ZNF618: variants seen among roughly 807,000 people sequenced by gnomAD.
The protein encoded by ZNF618 is zinc finger protein 618, also known as neural precursor cell expressed, developmentally down-regulated 10.
ZNF618 carries 34 observed loss-of-function variants against 103.0 expected under a neutral mutation model. That is an observed-to-expected ratio of 0.33 (90% CI 0.25 to 0.44). ZNF618 has a LOEUF of 0.44. Ranked by LOEUF, ZNF618 falls within the 20% of genes least tolerant of loss-of-function variation. The pLI is 1.00. For missense variants in ZNF618, 1,059 were observed against 1,295.4 expected (o/e 0.82, Z 2.80); for synonymous variants, 551 against 542.2 (o/e 1.02, Z -0.23).
chr9:114,021,362 G>C (rs573276549), intron 10 of ZNF618, among the ~76,000 whole-genome samples: 34 of 152,148 alleles, frequency 2.2e-4, no homozygotes, highest in African/African-American at 7.9e-4. Flanking sequence ...TTAGTTTATA[G>C]AGTAATTTGT....
At chr9:113,902,218 C>T (rs1299093901) in intron 1 of ZNF618, among the ~76,000 whole-genome samples, 4 of 152,160 alleles carry the variant, frequency 2.6e-5, no homozygotes, top group South Asian at 2.1e-4. Context: ...CTCTCTGTTT[C>T]GTCTTTGTAA....
In ZNF618 at chr9:113,917,543, C is replaced by T. The variant is rs144859893; in HGVS notation, c.33+41130C>T. 1.6e-4 allele frequency among the ~76,000 whole-genome samples: 25 copies of T among 151,956 alleles called. 1 individual carries two copies. In the East Asian group the frequency reaches 4.9e-3, roughly 30 times the overall value. Reference sequence around the variant, plus strand: ...TGCTGGGGTTATAGGCGTGAGCCACCGTGTCTGGCAAGCCTTCTCTTAAGT... The same window carrying T: ...TGCTGGGGTTATAGGCGTGAGCCACTGTGTCTGGCAAGCCTTCTCTTAAGT... On this transcript the variant is annotated intron_variant, in intron 1 of 14. Coordinates refer to ENST00000374126, the MANE Select transcript of ZNF618 (RefSeq NM_001318042.2).
At chr9:114,004,482 C>T (rs932810719) in intron 6 of ZNF618, among the ~76,000 whole-genome samples, 1 of 152,234 alleles carries the variant, frequency 6.6e-6, no homozygotes, top group Non-Finnish European at 1.5e-5. Flanking sequence ...TTCTGGGCCC[C>T]TGGCCTCTCC....
rs113043208 is a variant in ZNF618, at chr9:113,921,242, G to A, written c.33+44829G>A. On this transcript the variant is annotated intron_variant, in intron 1 of 14. Coordinates refer to ENST00000374126, the MANE Select transcript of ZNF618 (RefSeq NM_001318042.2). ...GCAAATTATCTCGCCTTTCTGGTCCGTTTCCCCATCTGTAAAATCAGGCCA... is the reference window on the plus strand; with the variant it reads ...GCAAATTATCTCGCCTTTCTGGTCCATTTCCCCATCTGTAAAATCAGGCCA... Among the ~76,000 whole-genome samples, 1,511 of 152,252 alleles carry A rather than the reference G, an allele frequency of 9.9e-3. 24 individuals carry two copies. Among genetic ancestry groups the A allele is most frequent in the African/African-American group, 0.034 (1,425 of 41,524 alleles).
intron 1 of ZNF618, among the ~76,000 whole-genome samples, chr9:113,913,544 G>C (rs1245350008): frequency 1.3e-5 from 2 of 152,232 alleles, no homozygotes; most frequent in East Asian, 3.9e-4. Context: ...GACCACTAAG[G>C]CAGGCCTCTT....
chr9:113,978,259 A>G (rs1838664852), intron 2 of ZNF618, among the ~76,000 whole-genome samples: 1 of 152,242 alleles, frequency 6.6e-6, no homozygotes, highest in Non-Finnish European at 1.5e-5. Context: ...ATTTGCGGAC[A>G]CTGTGGTTCT....
intron 6 of ZNF618, among the ~76,000 whole-genome samples, chr9:114,003,409 A>G (rs1197546010): frequency 6.6e-6 from 1 of 152,230 alleles, no homozygotes; most frequent in Admixed American, 6.5e-5. Flanking sequence ...CTGCTGCAAG[A>G]TGCAAACTAG....
intron 2 of ZNF618, among the ~76,000 whole-genome samples, chr9:113,984,658 T>C (rs1839289899): frequency 1.3e-5 from 2 of 152,200 alleles, no homozygotes; most frequent in Non-Finnish European, 2.9e-5. Flanking sequence ...GAACACTGGC[T>C]GTGAAGAAAG....
At chr9:113,909,090 C>G (rs1390786119) in intron 1 of ZNF618, among the ~76,000 whole-genome samples, 1 of 151,990 alleles carries the variant, frequency 6.6e-6, no homozygotes, top group Non-Finnish European at 1.5e-5. Context: ...AGGCGCAGCT[C>G]TGCCCCTCGG....
At chr9:113,894,516 G>C (rs755953102) in intron 1 of ZNF618, among the ~76,000 whole-genome samples, 30 of 152,178 alleles carry the variant, frequency 2.0e-4, no homozygotes, top group Non-Finnish European at 3.7e-4. Flanking sequence ...TTTGCACTTA[G>C]CTTTGTATTT....
intron 13 of ZNF618, among the ~76,000 whole-genome samples, chr9:114,044,481 C>T (rs908820168): frequency 2.0e-5 from 3 of 151,798 alleles, no homozygotes; most frequent in Admixed American, 6.6e-5. Flanking sequence ...ATGTGTTGCC[C>T]CCAGATTTGT....
intron 1 of ZNF618, among the ~76,000 whole-genome samples, chr9:113,942,930 T>G (rs891159555): frequency 4.6e-5 from 7 of 152,162 alleles, no homozygotes. Flanking sequence ...ATTTTCAACT[T>G]CTAATGACTT....
At chr9:113,913,086 G>A (rs1831707668) in intron 1 of ZNF618, among the ~76,000 whole-genome samples, 1 of 152,120 alleles carries the variant, frequency 6.6e-6, no homozygotes, top group South Asian at 2.1e-4. Context: ...TCTGGAAACG[G>A]GAGAGTGAGC....
chr9:113,976,943 C>T (rs1033747105), intron 2 of ZNF618, among the ~76,000 whole-genome samples: 8 of 152,148 alleles, frequency 5.3e-5, no homozygotes, highest in African/African-American at 1.4e-4. Flanking sequence ...CTCCTAGCAA[C>T]GATCCCTGCA....
chr9:113,938,865 C>T (rs149917257), intron 1 of ZNF618, among the ~76,000 whole-genome samples: 192 of 152,290 alleles, frequency 1.3e-3, no homozygotes, highest in African/African-American at 4.2e-3. Flanking sequence ...CCACCACATC[C>T]GTTCCGTCCC....
chr9:113,969,641 G>T (rs1473822094), intron 2 of ZNF618, among the ~76,000 whole-genome samples: 2 of 152,232 alleles, frequency 1.3e-5, no homozygotes, highest in Non-Finnish European at 2.9e-5. Context: ...CTCAAGGATG[G>T]CAGGAGAGGG....
chr9:113,996,123 G>A (rs753189273), intron 3 of ZNF618, among the ~76,000 whole-genome samples: 7 of 152,152 alleles, frequency 4.6e-5, no homozygotes, highest in Admixed American at 6.5e-5. Flanking sequence ...CATTTGGTTT[G>A]AGGCCAAGCC....
intron 1 of ZNF618, among the ~76,000 whole-genome samples, chr9:113,913,141 T>G (rs1024450987): frequency 3.9e-5 from 6 of 152,164 alleles, no homozygotes; most frequent in African/African-American, 1.4e-4. Context: ...AAGAGCTGCT[T>G]TCTCTAACGC....
intron 1 of ZNF618, among the ~76,000 whole-genome samples, chr9:113,899,794 C>T (rs569050442): frequency 7.2e-5 from 11 of 152,196 alleles, no homozygotes; most frequent in Admixed American, 2.0e-4. Context: ...TGTGTTGTAG[C>T]ACATGGCAGG....
Sources: gnomAD v4.1 joint callset for allele counts (sites outside exome capture counted in the v4.1 genomes callset) on GRCh38, gnomAD v4.1.1 for gene constraint, MANE v1.5 for transcripts, NCBI Gene and HGNC (gene_info 2026-07-23, HGNC 2026-07-21) for gene names.